PTPRD: variants seen among roughly 807,000 people sequenced by gnomAD.
PTPRD encodes receptor-type tyrosine-protein phosphatase delta.
PTPRD carries 34 observed loss-of-function variants against 214.5 expected under a neutral mutation model. The observed-to-expected ratio is 0.16, with a 90% CI of 0.12 to 0.21. The LOEUF is 0.21. Among genes scored for constraint, PTPRD ranks in the 10% least tolerant of loss-of-function variants. PTPRD has a pLI of 1.00. For synonymous variants in PTPRD, 1,128 were observed against 845.7 expected (o/e 1.33, Z -5.79); for missense variants, 2,545 against 2,398.7 (o/e 1.06, Z -1.27).
At chr9:9,974,811 A>G (rs2382090) in intron 4 of PTPRD, among the ~76,000 whole-genome samples, 122,018 of 152,116 alleles carry the variant, frequency 0.8, 49,603 homozygotes, top group Middle Eastern at 0.89. Flanking sequence ...TGACACAGTA[A>G]ATATTCGTTG....
intron 11 of PTPRD, among the ~76,000 whole-genome samples, chr9:8,825,169 T>A (rs1057363633): frequency 2.0e-5 from 3 of 152,198 alleles, no homozygotes; most frequent in African/African-American, 7.2e-5. Context: ...CTGGACCTGT[T>A]AGAAAGTGAT....
chr9:10,526,016 C>T (rs1248979160), intron 2 of PTPRD, among the ~76,000 whole-genome samples: 3 of 151,912 alleles, frequency 2.0e-5, no homozygotes, highest in African/African-American at 4.8e-5. Flanking sequence ...AGCCTACTGC[C>T]CACATTTCAA....
At chr9:8,428,495 T>C (rs1236998645) in intron 35 of PTPRD, among the ~76,000 whole-genome samples, 6 of 152,196 alleles carry the variant, frequency 3.9e-5, no homozygotes, top group African/African-American at 7.2e-5. Context: ...GTGACTCATA[T>C]GTCAAAAATA....
At chr9:8,465,350 T>A in intron 32 of PTPRD, 116 bp downstream of exon 32, 1 of 919,014 alleles carries the variant, frequency 1.1e-6, no homozygotes, top group Non-Finnish European at 1.7e-6. Context: ...TTACACTTAA[T>A]AACAGTTCAT....
intron 5 of PTPRD, among the ~76,000 whole-genome samples, chr9:9,842,044 C>T (rs1036771262): frequency 4.6e-5 from 7 of 151,618 alleles, no homozygotes; most frequent in Admixed American, 1.3e-4. Flanking sequence ...GGAAAAATTG[C>T]TTATTTTTTC....
At chr9:10,058,906 C>T (rs915582831) in intron 3 of PTPRD, among the ~76,000 whole-genome samples, 2 of 152,078 alleles carry the variant, frequency 1.3e-5, no homozygotes, top group African/African-American at 4.8e-5. Context: ...TTAACTGAGA[C>T]AGCACATAGG....
chr9:10,263,431 T>C (rs2093829322), intron 3 of PTPRD, among the ~76,000 whole-genome samples: 1 of 152,054 alleles, frequency 6.6e-6, no homozygotes, highest in Non-Finnish European at 1.5e-5. Flanking sequence ...GATAGTGATA[T>C]CAAAAATGAG....
chr9:10,097,428 T>C (rs2098502466), intron 3 of PTPRD, among the ~76,000 whole-genome samples: 1 of 150,718 alleles, frequency 6.6e-6, no homozygotes, highest in African/African-American at 2.4e-5. Flanking sequence ...CAGTGTTTTG[T>C]AGTTCTCCTT....
intron 5 of PTPRD, among the ~76,000 whole-genome samples, chr9:9,931,539 CAGG>C (rs1295564161): frequency 6.6e-6 from 1 of 152,170 alleles, no homozygotes; most frequent in African/African-American, 2.4e-5. Context: ...AACAGTGCAC[CAGG>C]AGATTATATC....
chr9:9,224,766 T>C (rs1311402776), intron 9 of PTPRD, among the ~76,000 whole-genome samples: 2 of 151,926 alleles, frequency 1.3e-5, no homozygotes. Context: ...AAGTACATCA[T>C]TGTTTTATAA....
chr9:8,373,457 T>G (rs1166901706), intron 39 of PTPRD, among the ~76,000 whole-genome samples: 1 of 152,016 alleles, frequency 6.6e-6, no homozygotes, highest in East Asian at 1.9e-4. Flanking sequence ...TTCTGTTGTT[T>G]GTTTCAATAA....
intron 11 of PTPRD, among the ~76,000 whole-genome samples, chr9:8,898,953 A>C (rs1029820530): frequency 6.6e-6 from 1 of 152,192 alleles, no homozygotes; most frequent in Admixed American, 6.5e-5. Context: ...GAAGGCAAAT[A>C]GGCAATAATG....
intron 36 of PTPRD, among the ~76,000 whole-genome samples, chr9:8,399,319 T>C (rs1356673595): frequency 6.6e-6 from 1 of 152,144 alleles, no homozygotes; most frequent in Admixed American, 6.6e-5. Flanking sequence ...AAAGAGATTG[T>C]ATATGCATGA....
chr9:9,868,823 C>T (rs1255137089), intron 5 of PTPRD, among the ~76,000 whole-genome samples: 1 of 151,142 alleles, frequency 6.6e-6, no homozygotes, highest in East Asian at 1.9e-4. Flanking sequence ...AATCTCTCAT[C>T]TACAACACCA....
chr9:9,751,100 A>T (rs908874674), intron 6 of PTPRD, among the ~76,000 whole-genome samples: 3 of 152,118 alleles, frequency 2.0e-5, no homozygotes, highest in Non-Finnish European at 4.4e-5. Context: ...AAACATGCAC[A>T]CTCTTATCCA....
rs761302617 is a variant in PTPRD at position 8,633,386 on chromosome 9, T to G, written c.283A>C (p.Ile95Leu). 1 of 1,612,942 alleles carries G rather than the reference T, an allele frequency of 6.2e-7. No homozygotes were observed. Among genetic ancestry groups the G allele is most frequent in the East Asian group, 2.2e-5 (1 of 44,844 alleles). Residue 95 changes from isoleucine to leucine, a missense_variant, in exon 14 of 46, where the codon ATT becomes CTT. Physicochemically the swap from Ile to Leu is conservative, Grantham distance 5. Coordinates refer to ENST00000381196, the MANE Select transcript of PTPRD (RefSeq NM_002839.4). The part of the protein sequence containing the change: ...QPLRTPRDEA[I>L]YECVASNNVG... ...TTATTTGAGGCCACACATTCATAAA[T>G]GGCCTCATCCCTCGGAGTCCGTAAG...
intron 5 of PTPRD, among the ~76,000 whole-genome samples, chr9:9,931,281 A>G (rs967277246): frequency 3.3e-5 from 5 of 152,212 alleles, no homozygotes; most frequent in African/African-American, 1.2e-4. Flanking sequence ...GCGACGCAGA[A>G]GACAGGTGAT....
At chr9:9,036,683 A>C (rs1340996670) in intron 10 of PTPRD, among the ~76,000 whole-genome samples, 1 of 152,258 alleles carries the variant, frequency 6.6e-6, no homozygotes, top group Non-Finnish European at 1.5e-5. Context: ...GCTAGGTGAA[A>C]ATTCTAAAAT....
intron 9 of PTPRD, among the ~76,000 whole-genome samples, chr9:9,335,297 A>G (rs2043997438): frequency 6.6e-6 from 1 of 152,076 alleles, no homozygotes; most frequent in Non-Finnish European, 1.5e-5. Flanking sequence ...TTCTTCCATA[A>G]TTAGACTCTT....
Sources: allele counts gnomAD v4.1 joint callset (sites outside exome capture counted in the v4.1 genomes callset), GRCh38; gene constraint gnomAD v4.1.1; transcripts MANE v1.5; gene names NCBI Gene and HGNC (gene_info 2026-07-23, HGNC 2026-07-21).